The following HTR2C variants were observed in gnomAD, a reference collection of about 807,000 sequenced individuals.
HTR2C encodes the protein 5-hydroxytryptamine receptor 2C.
HTR2C carries 5 observed loss-of-function variants against 21.0 expected under a neutral mutation model. The observed-to-expected ratio is 0.24, with a 90% CI of 0.12 to 0.50. HTR2C has a LOEUF of 0.50. Among genes scored for constraint, HTR2C ranks in the 20% least tolerant of loss-of-function variants. The probability of loss-of-function intolerance (pLI) is 0.98; values close to 1 mark genes in which losing one functional copy is unlikely to be tolerated. For missense variants in HTR2C, 271 were observed against 371.2 expected, an observed-to-expected ratio of 0.73 and a Z score of 2.22; for synonymous variants, 150 against 145.3, an observed-to-expected ratio of 1.03 and a Z score of -0.23.
At position 114,704,441 on chromosome X, in the gene HTR2C, G is replaced by A. The variant is rs782751315; in HGVS notation, c.-79-22417G>A. ...AATAAATGTAATCCAGCATATAAAC[G>A]GAACCAAAGTCAAAAACCACATGAT... On this transcript the variant is annotated intron_variant, in intron 2 of 5. Transcript: ENST00000276198. Among the ~76,000 whole-genome samples the A allele has an allele frequency of 1.1e-3, 126 of 111,243 alleles. 1 individual carries two copies. Among genetic ancestry groups the A allele is most frequent in the African/African-American group, 3.9e-3 (121 of 30,640 alleles).
rs2070886466 is a variant in HTR2C, at chrX:114,847,882, C to G, written c.350-121C>G. On this transcript the variant is annotated intron_variant, in intron 4 of 5. Transcript: ENST00000276198. ...ATCATCCCTATAGAAAATAATGCTTCCTAAATTTCACTTTCTTTAAAAGGT... is the reference window on the plus strand; with the variant it reads ...ATCATCCCTATAGAAAATAATGCTTGCTAAATTTCACTTTCTTTAAAAGGT... 9.9e-6 allele frequency: 5 copies of G among 502,844 alleles called. No individual in the cohort carries two copies. In the South Asian group the frequency reaches 1.4e-4, roughly 15 times the overall value. The allele number at this position is 502,844 out of a possible 1,213,427, so 41.4% of individuals were successfully genotyped here.
chrX:114,699,254 C>T (rs1163377513), intron 2 of HTR2C, among the ~76,000 whole-genome samples: 6 of 111,630 alleles, frequency 5.4e-5, no homozygotes, highest in Non-Finnish European at 1.1e-4. Context: ...CTCTTTTTTC[C>T]AATAACGCTG....
chrX:114,611,987 G>A (rs1602636704), intron 1 of HTR2C, among the ~76,000 whole-genome samples: 1 of 112,098 alleles, frequency 8.9e-6, no homozygotes, highest in African/African-American at 3.2e-5. Flanking sequence ...GTGAGCCACC[G>A]TGCCTGGCCC....
Position 114,795,701 on chromosome X carries a change from T to C in HTR2C, c.350-52302T>C, listed in dbSNP as rs1189381753. Among the ~76,000 whole-genome samples, 4 of 111,653 alleles carry C rather than the reference T, an allele frequency of 3.6e-5. No homozygotes were observed. The Admixed American group carries it at 3.8e-4, about 11-fold the overall frequency. ...AATATGTGGCATTATTTCTGAGGGC[T>C]CTGTTCTGTTCCATTGGTCTATATC... On this transcript the variant is annotated intron_variant, in intron 4 of 5. Coordinates refer to ENST00000276198, the MANE Select transcript of HTR2C (RefSeq NM_000868.4).
chrX:114,777,737 T>C (rs1272875314), intron 4 of HTR2C, among the ~76,000 whole-genome samples: 1 of 111,066 alleles, frequency 9.0e-6, no homozygotes, highest in Non-Finnish European at 1.9e-5. Context: ...TTTGTATTTT[T>C]AGTAGAGACA....
At chrX:114,641,416 C>A (rs1556406447) in intron 2 of HTR2C, among the ~76,000 whole-genome samples, 1 of 111,349 alleles carries the variant, frequency 9.0e-6, no homozygotes, top group African/African-American at 3.3e-5. Context: ...TTAGTATATT[C>A]TCATTTAAAA....
intron 2 of HTR2C, among the ~76,000 whole-genome samples, chrX:114,704,550 A>T (rs1602701980): frequency 8.9e-6 from 1 of 111,991 alleles, no homozygotes; most frequent in Non-Finnish European, 1.9e-5. Context: ...TACTGATGGG[A>T]TGTATCTCAA....
At chrX:114,643,516 T>A (rs781829738) in intron 2 of HTR2C, among the ~76,000 whole-genome samples, 1 of 111,468 alleles carries the variant, frequency 9.0e-6, no homozygotes, top group Non-Finnish European at 1.9e-5. Context: ...TGATTTAACC[T>A]GGGCAGTATG....
At chrX:114,860,847 CT>C (rs2071001170) in intron 5 of HTR2C, among the ~76,000 whole-genome samples, 1 of 111,074 alleles carries the variant, frequency 9.0e-6, no homozygotes, top group Non-Finnish European at 1.9e-5. Context: ...TTCACTGTCC[CT>C]GAACAATCAC....
intron 2 of HTR2C, among the ~76,000 whole-genome samples, chrX:114,676,968 T>G (rs1387097396): frequency 1.8e-5 from 2 of 112,059 alleles, no homozygotes; most frequent in Non-Finnish European, 3.8e-5. Flanking sequence ...ATTCAAATCC[T>G]GAGCAATTGT....
intron 5 of HTR2C, among the ~76,000 whole-genome samples, chrX:114,863,288 G>A (rs2071020376): frequency 3.6e-5 from 4 of 111,070 alleles, no homozygotes; most frequent in Admixed American, 2.9e-4. Flanking sequence ...CATAGTGGCA[G>A]TACTATTTCA....
intron 2 of HTR2C, among the ~76,000 whole-genome samples, chrX:114,624,592 CT>C (rs1357916787): frequency 9.0e-6 from 1 of 111,627 alleles, no homozygotes; most frequent in Non-Finnish European, 1.9e-5. Flanking sequence ...TCTGGCACTC[CT>C]TGTGCCTTTA....
intron 4 of HTR2C, chrX:114,776,346 C>G: frequency 2.7e-6 from 2 of 741,859 alleles, no homozygotes; most frequent in Non-Finnish European, 4.2e-6. Flanking sequence ...GGCACTGTGA[C>G]CACAGCATTG....
At chrX:114,881,647 T>C (rs1289483543) in intron 5 of HTR2C, among the ~76,000 whole-genome samples, 1 of 110,599 alleles carries the variant, frequency 9.0e-6, no homozygotes, top group Non-Finnish European at 1.9e-5. Context: ...ATCAGTTACA[T>C]AGAAACCATG....
At chrX:114,779,897 G>C (rs868955881) in intron 4 of HTR2C, among the ~76,000 whole-genome samples, 1 of 38,805 alleles carries the variant, frequency 2.6e-5, no homozygotes, top group Non-Finnish European at 6.7e-5. Flanking sequence ...GGATGTATAT[G>C]TATATGTGTG....
At position 114,908,181 on chromosome X, in the gene HTR2C, G is replaced by A. The variant is rs1245021800; in HGVS notation, c.*766G>A. 8.9e-6 allele frequency: 1 copy of A among 112,385 alleles called. No individual in the cohort carries two copies. The highest frequency in any genetic ancestry group is 1.9e-5 in the Non-Finnish European group (1 of 53,166). The allele number at this position is 112,385 out of a possible 1,213,427, so 9.3% of individuals were successfully genotyped here. A position where few individuals can be genotyped will look rare whatever the true frequency, so the allele number is the denominator to read the frequency against. On this transcript the variant is annotated 3_prime_UTR_variant, in exon 6 of 6. Coordinates refer to ENST00000276198, the MANE Select transcript of HTR2C (RefSeq NM_000868.4). ...TATTACAACAAGCAAACTGAAATTA[G>A]TGTTTTCATTCTGGTCCTTAGTAAA...
chrX:114,694,548 G>A lies in HTR2C; in HGVS notation c.-79-32310G>A, dbSNP rs951489659. ...TTTTTGCCCGGGCTGGAGTGCAGAG[G>A]TACAATCTCGGCTTACTGCAACCTC... On this transcript the variant is annotated intron_variant, in intron 2 of 5. Coordinates refer to ENST00000276198, the MANE Select transcript of HTR2C (RefSeq NM_000868.4). 6.7e-5 allele frequency among the ~76,000 whole-genome samples: 5 copies of A among 74,809 alleles called. No individual in the cohort carries two copies. The East Asian group carries it at 2.3e-3, about 34-fold the overall frequency. The allele number at this position is 74,809 out of a possible 115,157, so 65.0% of individuals were successfully genotyped here. A position where few individuals can be genotyped will look rare whatever the true frequency, so the allele number is the denominator to read the frequency against.
rs1556412476 is a variant in HTR2C, at chrX:114,675,868, C to CTT, written c.-79-50985_-79-50984dup. The stretch of plus-strand genomic sequence containing the variant: ...TTTTAAGACTTTTCGTTTCTTTTTT[C>CTT]TTTTTTCTTTTTTTTTTTGAGACGA... On this transcript the variant is annotated intron_variant, in intron 2 of 5. Transcript: ENST00000276198. Among the ~76,000 whole-genome samples the CTT allele has an allele frequency of 1.2e-3, 115 of 94,281 alleles. 3 individuals are homozygous for CTT. Among genetic ancestry groups the CTT allele is most frequent in the East Asian group, 2.7e-3 (8 of 2,936 alleles). 81.9% of individuals were successfully genotyped at this position (94,281 alleles called of 115,157 possible).
chrX:114,724,721 A>T (rs782671372), intron 2 of HTR2C, among the ~76,000 whole-genome samples: 1 of 107,898 alleles, frequency 9.3e-6, no homozygotes, highest in Non-Finnish European at 1.9e-5. Context: ...ATGGTGACAA[A>T]GTCTCTCAGC....
Sources: allele counts gnomAD v4.1 joint callset (sites outside exome capture counted in the v4.1 genomes callset), GRCh38; gene constraint gnomAD v4.1.1; transcripts MANE v1.5; gene names NCBI Gene and HGNC (gene_info 2026-07-23, HGNC 2026-07-21).